The following PDE4D variants were observed in gnomAD, a reference collection of about 807,000 sequenced individuals.
PDE4D encodes 3',5'-cyclic-AMP phosphodiesterase 4D.
A neutral mutation model predicts 87.4 loss-of-function variants in PDE4D; 24 were observed. The observed-to-expected ratio is 0.27, with a 90% CI of 0.20 to 0.39. PDE4D has a LOEUF of 0.39. Among genes scored for constraint, PDE4D ranks in the 10% least tolerant of loss-of-function variants. PDE4D has a pLI of 1.00. For synonymous variants in PDE4D, 384 were observed against 383.2 expected (o/e 1.00, Z -0.02); for missense variants, 714 against 1,041.0 (o/e 0.69, Z 4.32).
chr5:59,615,856 T>C (rs1829598838), intron 1 of PDE4D, among the ~76,000 whole-genome samples: 1 of 152,160 alleles, frequency 6.6e-6, no homozygotes, highest in African/African-American at 2.4e-5. Flanking sequence ...CAGCGAAGTA[T>C]AGGTCTAGGC....
At chr5:59,612,891 G>A (rs1829183519) in intron 1 of PDE4D, among the ~76,000 whole-genome samples, 1 of 152,168 alleles carries the variant, frequency 6.6e-6, no homozygotes, top group Non-Finnish European at 1.5e-5. Flanking sequence ...GACCAGAGGA[G>A]GAGGAGTAGG....
At chr5:60,052,624 G>A (rs2152880618) in intron 2 of PDE4D, among the ~76,000 whole-genome samples, 1 of 152,112 alleles carries the variant, frequency 6.6e-6, no homozygotes, top group East Asian at 1.9e-4. Flanking sequence ...TTTGAAAACA[G>A]GCACAAGACA....
chr5:59,598,710 A>G (rs1307504753), intron 1 of PDE4D, among the ~76,000 whole-genome samples: 1 of 152,128 alleles, frequency 6.6e-6, no homozygotes, highest in African/African-American at 2.4e-5. Flanking sequence ...TCCCAGTCCA[A>G]GGGAGTCTAA....
intron 6 of PDE4D, among the ~76,000 whole-genome samples, chr5:58,993,952 C>A (rs114201619): frequency 1.5e-3 from 225 of 152,192 alleles, no homozygotes; most frequent in African/African-American, 5.0e-3. Flanking sequence ...GGAATGCTTT[C>A]TTCAATTAAT....
intron 1 of PDE4D, among the ~76,000 whole-genome samples, chr5:60,276,443 G>A (rs1229102239): frequency 6.6e-6 from 1 of 152,140 alleles, no homozygotes; most frequent in Non-Finnish European, 1.5e-5. Flanking sequence ...ATAGTGAACT[G>A]TAACCTAACA....
At chr5:58,992,698 T>G (rs1157335252) in intron 7 of PDE4D, among the ~76,000 whole-genome samples, 1 of 152,184 alleles carries the variant, frequency 6.6e-6, no homozygotes, top group African/African-American at 2.4e-5. Context: ...CTTACTTTCA[T>G]CCACGATTTC....
rs1744339639 is a variant in PDE4D, at chr5:59,656,253, CACCTT to C, written c.455+236910_455+236914del. On this transcript the variant is annotated intron_variant, in intron 1 of 14. Coordinates refer to ENST00000340635, the MANE Select transcript of PDE4D (RefSeq NM_001104631.2). ...CACACAGACTTCACATACACATTCA[CACCTT>C]ACACACACATACAATAAACTCACAT... 4.6e-5 allele frequency among the ~76,000 whole-genome samples: 7 copies of C among 152,242 alleles called. No homozygotes were observed. In the South Asian group the frequency reaches 1.5e-3, roughly 32 times the overall value.
intron 1 of PDE4D, among the ~76,000 whole-genome samples, chr5:60,328,557 C>A (rs1757016763): frequency 6.6e-6 from 1 of 152,106 alleles, no homozygotes; most frequent in Non-Finnish European, 1.5e-5. Context: ...TTTAGGTATG[C>A]ATTCTTCTGT....
At chr5:59,959,056 C>T (rs566698445) in intron 3 of PDE4D, among the ~76,000 whole-genome samples, 1 of 151,920 alleles carries the variant, frequency 6.6e-6, no homozygotes, top group African/African-American at 2.4e-5. Flanking sequence ...GACATTCAAA[C>T]TGAGACCTAC....
intron 3 of PDE4D, among the ~76,000 whole-genome samples, chr5:59,188,611 T>C (rs1743464572): frequency 6.6e-6 from 1 of 152,152 alleles, no homozygotes; most frequent in Admixed American, 6.5e-5. Flanking sequence ...TATACACTTG[T>C]TACCACTAGA....
At chr5:60,312,151 A>G (rs1370233842) in intron 1 of PDE4D, among the ~76,000 whole-genome samples, 1 of 152,222 alleles carries the variant, frequency 6.6e-6, no homozygotes, top group Non-Finnish European at 1.5e-5. Context: ...GCAGAAAACT[A>G]ACATAGATAT....
At chr5:59,931,997 C>T (rs964475484) in intron 3 of PDE4D, among the ~76,000 whole-genome samples, 4 of 152,064 alleles carry the variant, frequency 2.6e-5, no homozygotes, top group East Asian at 1.9e-4. Context: ...CACTGTGGGG[C>T]GCGGCCATGG....
At chr5:59,823,599 G>GAAACAGAT (rs1444189724) in intron 1 of PDE4D, among the ~76,000 whole-genome samples, 1 of 152,022 alleles carries the variant, frequency 6.6e-6, no homozygotes, top group East Asian at 1.9e-4. Flanking sequence ...CCTACCTCAT[G>GAAACAGAT]AAACAGATAG....
At chr5:59,338,399 T>C (rs147093555) in intron 1 of PDE4D, among the ~76,000 whole-genome samples, 50 of 152,296 alleles carry the variant, frequency 3.3e-4, no homozygotes, top group African/African-American at 1.1e-3. Context: ...TTGGTGAAAA[T>C]AGTATTCTTG....
intron 1 of PDE4D, among the ~76,000 whole-genome samples, chr5:59,775,876 A>AT (rs1764026865): frequency 6.6e-6 from 1 of 152,016 alleles, no homozygotes; most frequent in African/African-American, 2.4e-5. Context: ...CCAAGAAAGG[A>AT]TTTTTTTGGA....
At chr5:60,098,931 G>A (rs907108071) in intron 2 of PDE4D, among the ~76,000 whole-genome samples, 10 of 151,932 alleles carry the variant, frequency 6.6e-5, no homozygotes, top group Middle Eastern at 3.4e-3. Flanking sequence ...ATGTTACTTC[G>A]GGTCCTTTCA....
In PDE4D at chr5:59,773,398, T is replaced by C. The variant is rs577687914; in HGVS notation, c.455+119770A>G. Among the ~76,000 whole-genome samples the C allele has an allele frequency of 5.3e-5, 8 of 152,306 alleles. 1 individual carries two copies. The highest frequency in any genetic ancestry group is 1.9e-4 in the African/African-American group (8 of 41,576). ...TTAAAATTGTTTATGGTTATTTCTA[T>C]GGAAAACAGTAGACACCTGGGTCCC... On this transcript the variant is annotated intron_variant, in intron 1 of 14. Transcript: ENST00000340635.
intron 1 of PDE4D, among the ~76,000 whole-genome samples, chr5:59,762,559 C>T (rs1438041307): frequency 1.6e-5 from 2 of 121,600 alleles, no homozygotes; most frequent in African/African-American, 3.2e-5. Flanking sequence ...TATGGGTACA[C>T]ATATGTGTAT....
intron 1 of PDE4D, among the ~76,000 whole-genome samples, chr5:60,360,188 A>C (rs775830403): frequency 6.6e-6 from 1 of 152,182 alleles, no homozygotes; most frequent in Non-Finnish European, 1.5e-5. Context: ...CTCACACAAA[A>C]ATCAGGCAAA....
Sources: gnomAD v4.1 joint callset for allele counts (sites outside exome capture counted in the v4.1 genomes callset) on GRCh38, gnomAD v4.1.1 for gene constraint, MANE v1.5 for transcripts, NCBI Gene and HGNC (gene_info 2026-07-23, HGNC 2026-07-21) for gene names.